The following AHDC1 variants were observed in gnomAD, a reference collection of about 807,000 sequenced individuals.
AHDC1 encodes the protein AT-hook DNA binding motif containing 1.
Under a neutral mutation model 87.9 loss-of-function variants are expected in AHDC1, and 7 were observed. The observed-to-expected ratio is 0.08, with a 90% CI of 0.05 to 0.15. AHDC1 has a LOEUF of 0.15. AHDC1 is among the 10% of genes least tolerant of loss of function. The pLI, the probability that AHDC1 is intolerant of heterozygous loss-of-function variation, is 1.00. For missense variants in AHDC1, 1,841 were observed against 2,253.2 expected (o/e 0.82, Z 3.70); for synonymous variants, 1,051 against 1,006.8 (o/e 1.04, Z -0.83).
chr1:27,544,481 A>G (rs899735683), intron 8 of AHDC1, among the ~76,000 whole-genome samples: 2 of 152,194 alleles, frequency 1.3e-5, no homozygotes, highest in African/African-American at 4.8e-5. Flanking sequence ...GGATGGACAC[A>G]CAGGGGCTCA....
chr1:27,596,486 A>T (rs2089374473), intron 3 of AHDC1, among the ~76,000 whole-genome samples: 1 of 152,106 alleles, frequency 6.6e-6, no homozygotes, highest in African/African-American at 2.4e-5. Context: ...TGTGTGGGTC[A>T]GTGCCCAACT....
Position 27,551,639 on chromosome 1 carries a change from T to C in AHDC1, c.477A>G (p.Pro159=), listed in dbSNP as rs911294814. The change falls in exon 8 of 9, where the codon CCA becomes CCG. Residue 159 remains proline, a synonymous_variant. Coordinates refer to ENST00000673934, the MANE Select transcript of AHDC1 (RefSeq NM_001371928.1). The part of the protein sequence containing the change: ...GLRLSRPPAP[P]PGDLQYSFFS... Reference sequence around the variant, plus strand: ...AGAAGCTGTACTGTAGGTCGCCGGGTGGCGGTGCAGGCGGGCGGCTCAGTC... The same window carrying C: ...AGAAGCTGTACTGTAGGTCGCCGGGCGGCGGTGCAGGCGGGCGGCTCAGTC... 3 of 1,613,276 alleles carry C rather than the reference T, an allele frequency of 1.9e-6. No homozygotes were observed. The highest frequency in any genetic ancestry group is 2.5e-6 in the Non-Finnish European group (3 of 1,179,668).
chr1:27,584,640 A>G (rs966772515), intron 3 of AHDC1, among the ~76,000 whole-genome samples: 3 of 152,088 alleles, frequency 2.0e-5, no homozygotes, highest in Non-Finnish European at 4.4e-5. Context: ...GGTGGCCAGC[A>G]CTGTAGCGGG....
chr1:27,577,293 G>A (rs2088782811), intron 3 of AHDC1, among the ~76,000 whole-genome samples: 1 of 152,186 alleles, frequency 6.6e-6, no homozygotes, highest in Admixed American at 6.5e-5. Flanking sequence ...TCAGCTCCTG[G>A]TCGGTTGCCC....
At position 27,551,323 on chromosome 1, in the gene AHDC1, C is replaced by T. The variant is rs767656012; in HGVS notation, c.793G>A (p.Glu265Lys). The T allele has an allele frequency of 3.7e-6, 6 of 1,612,434 alleles. No homozygotes were observed. Among genetic ancestry groups the T allele is most frequent in the Admixed American group, 3.3e-5 (2 of 59,966 alleles). Reference sequence around the variant, plus strand: ...GGCTCCGGCTCGGGCGATGGTGGCTCGAGGGCCTGGGCCTCTAGCAGCTGG... The same window carrying T: ...GGCTCCGGCTCGGGCGATGGTGGCTTGAGGGCCTGGGCCTCTAGCAGCTGG... ...EAQLLEAQAL[E>K]PPSPEPEPQL... Residue 265 changes from glutamate to lysine, a missense_variant, in exon 8 of 9, where the codon GAG (glutamate) becomes AAG (lysine). Around this residue, in one of 13 missense-constraint regions of AHDC1, gnomAD observed 370 missense variants for 391.5 expected, o/e 0.95. Coordinates refer to ENST00000673934, the MANE Select transcript of AHDC1 (RefSeq NM_001371928.1).
intron 3 of AHDC1, among the ~76,000 whole-genome samples, chr1:27,566,601 G>A (rs2020326629): frequency 6.7e-6 from 1 of 149,690 alleles, no homozygotes; most frequent in South Asian, 2.2e-4. Flanking sequence ...ACTCAGATGG[G>A]GTGGGAAGAG....
intron 3 of AHDC1, among the ~76,000 whole-genome samples, chr1:27,588,441 G>A (rs2089123965): frequency 1.3e-5 from 2 of 152,196 alleles, no homozygotes; most frequent in Non-Finnish European, 2.9e-5. Context: ...TGAATGCTCT[G>A]TATAGACCTG....
chr1:27,556,146 G>A (rs1051097467), intron 5 of AHDC1, among the ~76,000 whole-genome samples: 1 of 152,058 alleles, frequency 6.6e-6, no homozygotes, highest in Non-Finnish European at 1.5e-5. Context: ...GTGCCGGGAA[G>A]CGCCAGCCCA....
At chr1:27,602,394 G>A (rs538645992) in intron 3 of AHDC1, among the ~76,000 whole-genome samples, 1 of 152,272 alleles carries the variant, frequency 6.6e-6, no homozygotes, top group Admixed American at 6.5e-5. Context: ...GAGGCTGGGG[G>A]GTCAGGCTGC....
chr1:27,598,772 C>A lies in AHDC1; in HGVS notation c.-629+4625G>T, dbSNP rs1393097051. ...CATCCTGAATCTAGCACCTCACACA[C>A]AAATATATACAGTGCATCCCAGTGC... On this transcript the variant is annotated intron_variant, in intron 3 of 8. Transcript: ENST00000673934. The surrounding 1 kb of genome is among the most constrained non-coding windows in gnomAD (Gnocchi z 4.2). Among the ~76,000 whole-genome samples, 1 of 152,162 alleles carries A rather than the reference C, an allele frequency of 6.6e-6. No individual in the cohort carries two copies. The highest frequency in any genetic ancestry group is 1.5e-5 in the Non-Finnish European group (1 of 68,012).
In AHDC1 at chr1:27,558,243, CT is replaced by C. The variant is rs2019916006; in HGVS notation, c.-225+61del. 6.6e-6 allele frequency: 1 copy of C among 152,354 alleles called. No individual in the cohort carries two copies. The allele number at this position is 152,354 out of a possible 1,614,324, so 9.4% of individuals were successfully genotyped here. On this transcript the variant is annotated intron_variant, in intron 5 of 8. Transcript: ENST00000673934. The surrounding 1 kb of genome is among the most constrained non-coding windows in gnomAD (Gnocchi z 5.6). ...TGGGTCCTGCCACTGCCCCCGCCCC[CT>C]CCCTGTCCTGCAAGGGCACCTTAGC...
chr1:27,547,940 G>A lies in AHDC1; in HGVS notation c.4176C>T (p.Ala1392=), dbSNP rs767786022. ...TGGGCGAGTATGCCTTCTGCAGGCCGGCGTCAAACACCGTGGGTGGGTGGG... is the reference window on the plus strand; with the variant it reads ...TGGGCGAGTATGCCTTCTGCAGGCCAGCGTCAAACACCGTGGGTGGGTGGG... ...PLAHPPTVFD[A]GLQKAYSPTC... Residue 1392 remains alanine, a synonymous_variant, in exon 8 of 9, where the codon GCC becomes GCT. Coordinates refer to ENST00000673934, the MANE Select transcript of AHDC1 (RefSeq NM_001371928.1). The surrounding 1 kb of genome is among the most constrained non-coding windows in gnomAD (Gnocchi z 4.9). The A allele has an allele frequency of 1.3e-5, 21 of 1,586,720 alleles. No homozygotes were observed. The highest frequency in any genetic ancestry group is 1.7e-4 in the Middle Eastern group (1 of 5,794).
chr1:27,550,525 C>A lies in AHDC1; in HGVS notation c.1591G>T (p.Val531Leu). ...ATCTCACCGGGTGGGAAGACCACTA[C>A]CACGTTCCGCCCATTGTTCTTCATC... ...LKMKNNGRNV[V>L]VVFPPGEMPI... The change falls in exon 8 of 9, where the codon GTA becomes TTA. Residue 531 changes from valine to leucine, a missense_variant. This residue lies in a region of AHDC1 where 12 missense variants were observed against 51.7 expected (regional missense o/e 0.23). Transcript: ENST00000673934. The A allele has an allele frequency of 6.2e-7, 1 of 1,611,194 alleles. No homozygotes were observed. The highest frequency in any genetic ancestry group is 1.1e-5 in the South Asian group (1 of 91,026).
chr1:27,544,906 T>C (rs1217818321), intron 8 of AHDC1, among the ~76,000 whole-genome samples: 1 of 152,162 alleles, frequency 6.6e-6, no homozygotes, highest in Non-Finnish European at 1.5e-5. Context: ...GGGAATGAAA[T>C]TCAGACTCCT....
Position 27,551,982 on chromosome 1 carries a change from G to T in AHDC1, c.134C>A (p.Ala45Asp). 6.8e-7 allele frequency: 1 copy of T among 1,479,578 alleles called. No homozygotes were observed. The highest frequency in any genetic ancestry group is 1.3e-5 in the South Asian group (1 of 74,614). The allele number at this position is 1,479,578 out of a possible 1,614,324, so 91.7% of individuals were successfully genotyped here. A position where few individuals can be genotyped will look rare whatever the true frequency, so the allele number is the denominator to read the frequency against. ...PRPLLPTRPP[A>D]SPPDKAFSTH... ...GGAGAAGGCCTTGTCAGGTGGGCTG[G>T]CAGGGGGCCGGGTGGGAAGCAGGGG... is the stretch of plus-strand genomic sequence containing the variant. Residue 45 changes from alanine to aspartate, a missense_variant, in exon 8 of 9, where the codon GCC becomes GAC. Ala to Asp is a moderately radical substitution (Grantham distance 126). Around this residue, in one of 13 missense-constraint regions of AHDC1, gnomAD observed 142 missense variants for 165.6 expected, o/e 0.86. Coordinates refer to ENST00000673934, the MANE Select transcript of AHDC1 (RefSeq NM_001371928.1).
At chr1:27,578,519 G>T (rs1427269552) in intron 3 of AHDC1, among the ~76,000 whole-genome samples, 2 of 151,832 alleles carry the variant, frequency 1.3e-5, no homozygotes, top group Non-Finnish European at 2.9e-5. Context: ...AACTCGGGAG[G>T]TGGAGGTTGC....
In AHDC1 at chr1:27,597,469, AG is replaced by A. The variant is rs1333073396; in HGVS notation, c.-629+5927del. Among the ~76,000 whole-genome samples the A allele has an allele frequency of 2.6e-5, 4 of 151,956 alleles. No individual in the cohort carries two copies. In the East Asian group the frequency reaches 7.7e-4, roughly 29 times the overall value. ...GAGGGGCATCCCCCGGGTGAATGTG[AG>A]GGGGTGTTTCCCAAGACAAGAGAGG... On this transcript the variant is annotated intron_variant, in intron 3 of 8. Coordinates refer to ENST00000673934, the MANE Select transcript of AHDC1 (RefSeq NM_001371928.1).
intron 3 of AHDC1, among the ~76,000 whole-genome samples, chr1:27,600,270 G>C (rs1410452790): frequency 6.6e-6 from 1 of 151,792 alleles, no homozygotes; most frequent in Non-Finnish European, 1.5e-5. Context: ...ACTCCATCCT[G>C]GCTTCCGCCT....
intron 3 of AHDC1, among the ~76,000 whole-genome samples, chr1:27,572,972 CA>C (rs1263485077): frequency 2.0e-5 from 3 of 152,234 alleles, no homozygotes; most frequent in African/African-American, 7.2e-5. Flanking sequence ...CCGCCTGACA[CA>C]AGCTCTTATT....
Sources: gnomAD v4.1 joint callset for allele counts (sites outside exome capture counted in the v4.1 genomes callset) on GRCh38, gnomAD v4.1.1 for gene constraint, gnomAD v4.1.1 regional missense constraint, Gnocchi (gnomAD v3.1) non-coding constraint, MANE v1.5 for transcripts, NCBI Gene and HGNC (gene_info 2026-07-23, HGNC 2026-07-21) for gene names.